The following ZNF48 variants were observed in gnomAD, a reference collection of about 807,000 sequenced individuals.
ZNF48 encodes the protein zinc finger protein 553.
A neutral mutation model predicts 40.0 loss-of-function variants in ZNF48; 20 were observed. That is an observed-to-expected ratio of 0.50 (90% CI 0.35 to 0.73). ZNF48 has a LOEUF of 0.73. Among genes scored for constraint, ZNF48 ranks in the 30% least tolerant of loss-of-function variants. ZNF48 has a pLI of 0.01. For synonymous variants in ZNF48, 298 were observed against 329.7 expected (o/e 0.90, Z 1.04); for missense variants, 726 against 851.9 (o/e 0.85, Z 1.84).
Position 30,395,690 on chromosome 16 carries a change from GC to G in ZNF48, c.-15-87del. The G allele has an allele frequency of 8.8e-7, 1 of 1,133,744 alleles. No individual in the cohort carries two copies. The highest frequency in any genetic ancestry group is 1.1e-6 in the Non-Finnish European group (1 of 902,352). 70.2% of individuals were successfully genotyped at this position (1,133,744 alleles called of 1,614,324 possible). On this transcript the variant is annotated intron_variant, in intron 1 of 2. Coordinates refer to ENST00000613509, the MANE Select transcript of ZNF48 (RefSeq NM_001214909.2). The surrounding 1 kb of genome is among the most constrained non-coding windows in gnomAD (Gnocchi z 5.9). ...TACCTGGGACCCGACGCCGCCCGGT[GC>G]CCGCGCTGGCCGGCAGAGGGCAGCG...
chr16:30,382,384 A>C lies in ZNF48; in HGVS notation c.-16+3974A>C. The C allele has an allele frequency of 1.3e-6, 2 of 1,595,984 alleles. No individual in the cohort carries two copies. Among genetic ancestry groups the C allele is most frequent in the Non-Finnish European group, 1.7e-6 (2 of 1,168,286 alleles). Reference sequence around the variant, plus strand: ...CCTTGTCCTATGGATGGGGGTGGACAATATGAGGCTGCTGGCAATGGCAGG... The same window carrying C: ...CCTTGTCCTATGGATGGGGGTGGACCATATGAGGCTGCTGGCAATGGCAGG... On this transcript the variant is annotated intron_variant, in intron 1 of 2. Coordinates refer to the ZNF48 transcript ENST00000528032. The surrounding 1 kb of genome is among the most constrained non-coding windows in gnomAD (Gnocchi z 4.8).
In ZNF48 at chr16:30,397,233, A is replaced by G; in HGVS notation, c.80-97A>G. 8.9e-7 allele frequency: 1 copy of G among 1,129,860 alleles called. No individual in the cohort carries two copies. 70.0% of individuals were successfully genotyped at this position (1,129,860 alleles called of 1,614,324 possible). A position where few individuals can be genotyped will look rare whatever the true frequency, so the allele number is the denominator to read the frequency against. On this transcript the variant is annotated intron_variant, in intron 2 of 2. Transcript: ENST00000613509. The surrounding 1 kb of genome is among the most constrained non-coding windows in gnomAD (Gnocchi z 4.1). ...GGACAGAGAGATTGGGGTTCCTGTG[A>G]CCACAGATTGTCAAGGGAGTCTTCC...
In ZNF48 at chr16:30,398,771, GCCA is replaced by G. The variant is rs147795653; in HGVS notation, c.1531_1533del (p.Pro511del). 4 of 1,613,424 alleles carry G rather than the reference GCCA, an allele frequency of 2.5e-6. No homozygotes were observed. Among genetic ancestry groups the G allele is most frequent in the Middle Eastern group, 1.6e-4 (1 of 6,084 alleles). On this transcript the variant is annotated inframe_deletion, in exon 3 of 3. Transcript: ENST00000613509. This position sits in a 1 kb window ranked among gnomAD's most constrained non-coding sequence, Gnocchi z 6.6. ...GCACCCACCGTGGTGAACGGGCCCGGCCACCACCACCATCCACTCTGCTGCGGC... is the reference window on the plus strand; with the variant it reads ...GCACCCACCGTGGTGAACGGGCCCGGCCACCACCATCCACTCTGCTGCGGC...
chr16:30,392,781 G>A (rs2049952685), upstream of ZNF48, among the ~76,000 whole-genome samples: 1 of 152,264 alleles, frequency 6.6e-6, no homozygotes, highest in African/African-American at 2.4e-5. Context: ...CACTACAGAA[G>A]GTATCTCTGT....
At chr16:30,378,359 G>T in exon 1 of ZNF48, 1 of 1,367,782 alleles carries the variant, frequency 7.3e-7, no homozygotes, top group Non-Finnish European at 9.8e-7. Context: ...GGGGCGCTGG[G>T]CAGTGTGGGG....
rs746072684 is a variant in ZNF48 at position 30,381,095 on chromosome 16, TG to T, written c.-16+2689del. The stretch of plus-strand genomic sequence containing the variant: ...AGCTGAAATCAGGTTTGGCTTCACA[TG>T]GGGTCAAAGGTCAGAGGTCATCACT... On this transcript the variant is annotated intron_variant, in intron 1 of 2. Coordinates refer to the ZNF48 transcript ENST00000528032. This position sits in a 1 kb window ranked among gnomAD's most constrained non-coding sequence, Gnocchi z 4.3. 2 of 1,543,170 alleles carry T rather than the reference TG, an allele frequency of 1.3e-6. No individual in the cohort carries two copies. The highest frequency in any genetic ancestry group is 3.3e-5 in the Admixed American group (2 of 59,896).
Position 30,397,328 on chromosome 16 carries a change from A to C in ZNF48, c.80-2A>C. ...GTCTACAACTTCCTTTTCTTTCCTC[A>C]GGTCTAGGGAGTGAGAACGTGATTT... On this transcript the variant is annotated splice_acceptor_variant, in intron 2 of 2. Transcript: ENST00000613509. LOFTEE classifies it high-confidence loss of function. This position sits in a 1 kb window ranked among gnomAD's most constrained non-coding sequence, Gnocchi z 4.1. 1 of 1,603,144 alleles carries C rather than the reference A, an allele frequency of 6.2e-7. No homozygotes were observed. Among genetic ancestry groups the C allele is most frequent in the South Asian group, 1.1e-5 (1 of 89,582 alleles).
Position 30,398,880 on chromosome 16 carries a change from G to C in ZNF48, c.1630G>C (p.Val544Leu), listed in dbSNP as rs532368365. 3.7e-6 allele frequency: 6 copies of C among 1,613,800 alleles called. No individual in the cohort carries two copies. In the East Asian group the frequency reaches 1.3e-4, roughly 36 times the overall value. ...GCCTTCTGGACCCAGCCAGCCCCACGTGTGTGGCTTCTGTGGGAAGGAGTT... is the reference window on the plus strand; with the variant it reads ...GCCTTCTGGACCCAGCCAGCCCCACCTGTGTGGCTTCTGTGGGAAGGAGTT... The part of the protein sequence containing the change: ...AQPSGPSQPH[V>L]CGFCGKEFPR... Residue 544 changes from valine to leucine, a missense_variant, in exon 3 of 3, where the codon GTG becomes CTG. Val to Leu is a conservative substitution (Grantham distance 32, BLOSUM62 1). Around this residue, in one of 5 missense-constraint regions of ZNF48, gnomAD observed 166 missense variants for 163.6 expected, o/e 1.01. Transcript: ENST00000613509. This position sits in a 1 kb window ranked among gnomAD's most constrained non-coding sequence, Gnocchi z 6.6.
intron 1 of ZNF48, chr16:30,378,951 C>T: frequency 2.0e-6 from 3 of 1,521,188 alleles, no homozygotes; most frequent in Non-Finnish European, 2.7e-6. Flanking sequence ...GGGGACGAGT[C>T]CTCAGGGCGG....
chr16:30,388,615 G>A (rs1215631135), intron 1 of ZNF48, among the ~76,000 whole-genome samples: 6 of 152,154 alleles, frequency 3.9e-5, no homozygotes, highest in African/African-American at 1.2e-4. Flanking sequence ...CAGTCCAGGC[G>A]CGGTGGCTCA....
upstream of ZNF48, among the ~76,000 whole-genome samples, chr16:30,392,046 G>A (rs759866725): frequency 5.3e-5 from 8 of 151,820 alleles, no homozygotes; most frequent in African/African-American, 7.3e-5. Context: ...TTCCTGAGGC[G>A]GCGTATCGCT....
chr16:30,395,812 G>A lies in ZNF48; in HGVS notation c.18G>A (p.Glu6=), dbSNP rs751779782. 2.3e-5 allele frequency: 35 copies of A among 1,548,710 alleles called. No homozygotes were observed. Among genetic ancestry groups the A allele is most frequent in the Middle Eastern group, 3.5e-4 (2 of 5,776 alleles). ...TGCCGGCGATGGAGCGCGCGGTAGAGCCTTGGGGCCCAGATCTCCACCGCC... is the reference window on the plus strand; with the variant it reads ...TGCCGGCGATGGAGCGCGCGGTAGAACCTTGGGGCCCAGATCTCCACCGCC... MERAV[E]PWGPDLHRPE... The change falls in exon 2 of 3, where the codon GAG becomes GAA. Residue 6 remains glutamate, a synonymous_variant. Transcript: ENST00000613509. This position sits in a 1 kb window ranked among gnomAD's most constrained non-coding sequence, Gnocchi z 5.9.
upstream of ZNF48, chr16:30,395,077 C>T (rs1174018233): frequency 2.1e-5 from 8 of 381,760 alleles, no homozygotes; most frequent in Middle Eastern, 1.8e-3. The surrounding 1 kb of genome is among the most constrained non-coding windows in gnomAD (Gnocchi z 5.9). Context: ...GGTCTCTCCC[C>T]CACCCCTTTC....
At chr16:30,394,678 T>G (rs2049965792), upstream of ZNF48, 1 of 153,426 alleles carries the variant, frequency 6.5e-6, no homozygotes, top group African/African-American at 2.4e-5. Flanking sequence ...CTCTTACTGC[T>G]CCTCGGACTC....
intron 1 of ZNF48, among the ~76,000 whole-genome samples, chr16:30,383,277 C>T (rs1413733400): frequency 1.3e-5 from 2 of 152,186 alleles, no homozygotes; most frequent in African/African-American, 4.8e-5. Flanking sequence ...CAAGCTCCAC[C>T]TCCCGGGTTC....
At chr16:30,383,085 G>A (rs187184417) in intron 1 of ZNF48, 2 of 459,924 alleles carry the variant, frequency 4.3e-6, no homozygotes, top group South Asian at 2.1e-5. Flanking sequence ...GGGAGGCTGA[G>A]GTGGGAGGAT....
Position 30,397,749 on chromosome 16 carries a change from C to T in ZNF48, c.499C>T (p.Pro167Ser). 1 of 1,613,766 alleles carries T rather than the reference C, an allele frequency of 6.2e-7. No homozygotes were observed. The highest frequency in any genetic ancestry group is 8.5e-7 in the Non-Finnish European group (1 of 1,179,988). The change falls in exon 3 of 3, where the codon CCC (proline) becomes TCC (serine). Residue 167 changes from proline to serine, a missense_variant. This residue lies in a region of ZNF48 where 378 missense variants were observed against 449.1 expected (regional missense o/e 0.84). Transcript: ENST00000613509. This position sits in a 1 kb window ranked among gnomAD's most constrained non-coding sequence, Gnocchi z 4.1. ...KHQRTHSGEK[P>S]YRARPPAQGP... ...CCAGCGGACTCATAGTGGGGAGAAG[C>T]CCTATAGAGCCCGGCCACCAGCCCA...
At chr16:30,390,620 T>G (rs1353896379), upstream of ZNF48, among the ~76,000 whole-genome samples, 889 of 70,460 alleles carry the variant, frequency 0.013, 60 homozygotes, top group African/African-American at 0.03. Context: ...TTTTTTTTTT[T>G]TTTTTTTTTT....
At position 30,398,507 on chromosome 16, in the gene ZNF48, C is replaced by G; in HGVS notation, c.1257C>G (p.His419Gln). Residue 419 changes from histidine to glutamine, a missense_variant, in exon 3 of 3, where the codon CAC (histidine) becomes CAG (glutamine). His to Gln is a conservative substitution (Grantham distance 24). Around this residue, in one of 5 missense-constraint regions of ZNF48, gnomAD observed 378 missense variants for 449.1 expected, o/e 0.84. Transcript: ENST00000613509. The surrounding 1 kb of genome is among the most constrained non-coding windows in gnomAD (Gnocchi z 6.6). ...SPPLTPRSPSHSGEPFGLPGL... is the reference protein window; with the variant it reads ...SPPLTPRSPSQSGEPFGLPGL... ...CGCTGACACCTCGAAGTCCCTCACACTCGGGTGAGCCTTTTGGCCTGCCTG... is the reference window on the plus strand; with the variant it reads ...CGCTGACACCTCGAAGTCCCTCACAGTCGGGTGAGCCTTTTGGCCTGCCTG... 6.3e-7 allele frequency: 1 copy of G among 1,595,466 alleles called. No individual in the cohort carries two copies. The highest frequency in any genetic ancestry group is 8.5e-7 in the Non-Finnish European group (1 of 1,170,010).
Sources: gnomAD v4.1 joint callset for allele counts (sites outside exome capture counted in the v4.1 genomes callset) on GRCh38, gnomAD v4.1.1 for gene constraint, gnomAD v4.1.1 regional missense constraint, Gnocchi (gnomAD v3.1) non-coding constraint, MANE v1.5 for transcripts, NCBI Gene and HGNC (gene_info 2026-07-23, HGNC 2026-07-21) for gene names.